CADPS2: variants seen among roughly 807,000 people sequenced by gnomAD.
CADPS2 encodes the protein calcium-dependent secretion activator 2.
A neutral mutation model predicts 172.5 loss-of-function variants in CADPS2; 93 were observed. That is an observed-to-expected ratio of 0.54 (90% CI 0.46 to 0.64). The LOEUF (loss-of-function observed/expected upper bound fraction) is 0.64. CADPS2 is among the 30% of genes least tolerant of loss of function. The pLI, the probability that CADPS2 is intolerant of heterozygous loss-of-function variation, is 0.00. For missense variants in CADPS2, 1,420 were observed against 1,565.9 expected (o/e 0.91, Z 1.57); for synonymous variants, 546 against 555.2 (o/e 0.98, Z 0.23).
intron 2 of CADPS2, among the ~76,000 whole-genome samples, chr7:122,734,562 C>G (rs1030286403): frequency 2.0e-5 from 3 of 151,226 alleles, no homozygotes; most frequent in Non-Finnish European, 4.4e-5. Context: ...TAAGACTGTT[C>G]TGGTAAACTA....
intron 2 of CADPS2, among the ~76,000 whole-genome samples, chr7:122,715,305 G>A (rs757822749): frequency 6.6e-6 from 1 of 152,030 alleles, no homozygotes; most frequent in Non-Finnish European, 1.5e-5. Flanking sequence ...CTCAGTCTTT[G>A]GCAGCCAATG....
chr7:122,716,246 T>C (rs2136915305), intron 2 of CADPS2, among the ~76,000 whole-genome samples: 1 of 152,240 alleles, frequency 6.6e-6, no homozygotes, highest in African/African-American at 2.4e-5. Context: ...ATTTGTTTTA[T>C]GAAAAAAAGC....
At chr7:122,357,102 GC>G (rs1304707008) in intron 27 of CADPS2, among the ~76,000 whole-genome samples, 1 of 152,108 alleles carries the variant, frequency 6.6e-6, no homozygotes, top group Admixed American at 6.6e-5. Flanking sequence ...TCTGTACTAA[GC>G]TAAAGACAAA....
At chr7:122,769,748 A>G (rs912929639) in intron 1 of CADPS2, among the ~76,000 whole-genome samples, 1 of 152,208 alleles carries the variant, frequency 6.6e-6, no homozygotes, top group Non-Finnish European at 1.5e-5. Context: ...CATGGGCTTC[A>G]GGGTGAGACA....
chr7:122,477,823 A>T (rs2056877248), intron 12 of CADPS2, among the ~76,000 whole-genome samples: 1 of 152,164 alleles, frequency 6.6e-6, no homozygotes, highest in South Asian at 2.1e-4. Flanking sequence ...AACAAAAATC[A>T]CTAACAGTAC....
At chr7:122,471,276 T>G (rs933438884) in intron 14 of CADPS2, 99 bp downstream of exon 14, 1 of 767,664 alleles carries the variant, frequency 1.3e-6, no homozygotes, top group African/African-American at 1.8e-5. Context: ...GTGTTTGCTA[T>G]TTACAATCTG....
intron 2 of CADPS2, among the ~76,000 whole-genome samples, chr7:122,715,625 G>A (rs776528238): frequency 4.0e-5 from 6 of 151,832 alleles, no homozygotes; most frequent in South Asian, 2.1e-4. Flanking sequence ...GCTTTCCTAC[G>A]GACAAAGATA....
intron 2 of CADPS2, among the ~76,000 whole-genome samples, chr7:122,722,497 A>G (rs1168802965): frequency 6.6e-6 from 1 of 151,750 alleles, no homozygotes; most frequent in Non-Finnish European, 1.5e-5. Flanking sequence ...GATGTGAAGG[A>G]CCTCTTCAAG....
In CADPS2 at chr7:122,414,548, C is replaced by T. The variant is rs145919812; in HGVS notation, c.2581-472G>A. 1.4e-4 allele frequency among the ~76,000 whole-genome samples: 22 copies of T among 152,192 alleles called. 1 individual carries two copies. The East Asian group carries it at 3.9e-3, about 27-fold the overall frequency. On this transcript the variant is annotated intron_variant, in intron 18 of 29. Coordinates refer to ENST00000449022, the MANE Select transcript of CADPS2 (RefSeq NM_017954.11). ...ATTGTAACATAGCTGTGTTACCAGC[C>T]TAGAAAAGAACCTCCTGGGAATTCA...
intron 8 of CADPS2, among the ~76,000 whole-genome samples, chr7:122,548,753 T>C (rs574620942): frequency 3.2e-4 from 48 of 152,308 alleles, no homozygotes; most frequent in African/African-American, 1.0e-3. Flanking sequence ...ATGCTCTTTA[T>C]TTTTAGAACC....
intron 27 of CADPS2, among the ~76,000 whole-genome samples, chr7:122,353,315 TTAGCAAG>T (rs2038936763): frequency 1.3e-5 from 2 of 152,082 alleles, no homozygotes; most frequent in Non-Finnish European, 2.9e-5. Context: ...TGAGAAATCT[TTAGCAAG>T]TATCATAAAG....
intron 2 of CADPS2, among the ~76,000 whole-genome samples, chr7:122,680,416 T>A (rs1245599914): frequency 1.3e-5 from 2 of 152,206 alleles, no homozygotes; most frequent in Admixed American, 6.5e-5. Flanking sequence ...ATATCAAATC[T>A]AAAGCCCTTA....
At chr7:122,700,441 C>T (rs529240052) in intron 2 of CADPS2, among the ~76,000 whole-genome samples, 8 of 152,140 alleles carry the variant, frequency 5.3e-5, no homozygotes, top group South Asian at 2.1e-4. Flanking sequence ...GCCATTAATC[C>T]GATTTTATTT....
chr7:122,442,575 C>T (rs561312147), intron 15 of CADPS2, among the ~76,000 whole-genome samples: 9 of 152,330 alleles, frequency 5.9e-5, no homozygotes, highest in African/African-American at 1.9e-4. Flanking sequence ...TTATATTTCT[C>T]ACACCATAAT....
chr7:122,471,273 C>G (rs1451137725), intron 14 of CADPS2, 102 bp downstream of exon 14: 48 of 417,728 alleles, frequency 1.1e-4, no homozygotes, highest in East Asian at 1.5e-4. Flanking sequence ...GAAGTGTTTG[C>G]TATTTACAAT....
At chr7:122,880,213 G>A (rs1822512273) in intron 1 of CADPS2, among the ~76,000 whole-genome samples, 1 of 152,056 alleles carries the variant, frequency 6.6e-6, no homozygotes, top group African/African-American at 2.4e-5. Flanking sequence ...AGTTCATTCT[G>A]GAATGGAAAG....
intron 2 of CADPS2, among the ~76,000 whole-genome samples, chr7:122,733,184 C>T (rs569435123): frequency 1.4e-3 from 215 of 151,588 alleles, no homozygotes; most frequent in African/African-American, 5.0e-3. Context: ...TTCAAGGAAA[C>T]ACAAAATCAT....
chr7:122,606,985 A>T (rs2073649955), intron 6 of CADPS2, among the ~76,000 whole-genome samples: 1 of 152,154 alleles, frequency 6.6e-6, no homozygotes, highest in South Asian at 2.1e-4. Flanking sequence ...GAGAAGAGTT[A>T]CATGTGGACA....
intron 2 of CADPS2, 146 bp from the exon 3 acceptor site, chr7:122,663,715 C>T: frequency 1.5e-6 from 1 of 669,682 alleles, no homozygotes; most frequent in Non-Finnish European, 2.5e-6. Context: ...TTTTATAATA[C>T]ATGGTAACTA....
Sources: allele counts gnomAD v4.1 joint callset (sites outside exome capture counted in the v4.1 genomes callset), GRCh38; gene constraint gnomAD v4.1.1; transcripts MANE v1.5; gene names NCBI Gene and HGNC (gene_info 2026-07-23, HGNC 2026-07-21).